SLC22A2: variants seen among roughly 807,000 people sequenced by gnomAD.
SLC22A2 encodes organic cation transporter 2.
A neutral mutation model predicts 60.5 loss-of-function variants in SLC22A2; 46 were observed. The observed-to-expected ratio is 0.76, with a 90% CI of 0.60 to 0.97. SLC22A2 has a LOEUF of 0.97. Among genes scored for constraint, SLC22A2 ranks in the 50% least tolerant of loss-of-function variants. The pLI is 0.00. For missense variants in SLC22A2, 701 were observed against 706.6 expected (o/e 0.99, Z 0.09); for synonymous variants, 303 against 267.0 (o/e 1.13, Z -1.31).
At position 160,258,621 on chromosome 6, in the gene SLC22A2, G is replaced by A. The variant is rs755389619; in HGVS notation, c.137C>T (p.Thr46Ile). The change falls in exon 1 of 11, where the codon ACC becomes ATC. Residue 46 changes from threonine (T) to isoleucine (I), a missense_variant. Thr to Ile is a moderately conservative substitution (Grantham distance 89, BLOSUM62 -1). Coordinates refer to ENST00000366953, the MANE Select transcript of SLC22A2 (RefSeq NM_003058.4). ...IYVGIVFLGF[T>I]PDHRCRSPGV... is the part of the protein sequence containing the mutation. ...GGGGCTCCGGCAGCGGTGGTCAGGG[G>A]TGAAGCCCAGGAAGACGATGCCCAC... is the stretch of plus-strand genomic sequence containing the variant. 1 of 1,613,982 alleles carries A rather than the reference G, an allele frequency of 6.2e-7. No individual in the cohort carries two copies. Among genetic ancestry groups the A allele is most frequent in the Non-Finnish European group, 8.5e-7 (1 of 1,179,948 alleles).
chr6:160,223,004 C>A (rs572483040), intron 10 of SLC22A2, among the ~76,000 whole-genome samples: 2 of 152,196 alleles, frequency 1.3e-5, no homozygotes, highest in African/African-American at 2.4e-5. Context: ...TCTTCCAACT[C>A]TAAGACTCAA....
At chr6:160,237,435 CTTATTA>C (rs145536965) in intron 9 of SLC22A2, among the ~76,000 whole-genome samples, 349 of 152,254 alleles carry the variant, frequency 2.3e-3, no homozygotes, top group African/African-American at 8.2e-3. Flanking sequence ...AAATTAAACT[CTTATTA>C]ATCTTTCAGA....
chr6:160,243,391 A>T (rs112933509), intron 7 of SLC22A2, among the ~76,000 whole-genome samples, 181 bp downstream of exon 7: 2 of 151,890 alleles, frequency 1.3e-5, no homozygotes, highest in African/African-American at 4.8e-5. Flanking sequence ...ATTGGGTACA[A>T]TTTTTCCTAA....
At position 160,217,044 on chromosome 6, in the gene SLC22A2, C is replaced by T. The variant is rs3103353; in HGVS notation, c.*388G>A. 0.12 allele frequency: 19,409 copies of T among 160,430 alleles called. 1,358 individuals carry two copies. Among genetic ancestry groups the T allele is most frequent in the African/African-American group, 0.17 (6,882 of 41,108 alleles). 9.9% of individuals were successfully genotyped at this position (160,430 alleles called of 1,614,324 possible). On this transcript the variant is annotated 3_prime_UTR_variant, in exon 11 of 11. Coordinates refer to ENST00000366953, the MANE Select transcript of SLC22A2 (RefSeq NM_003058.4). ...TTATTTCTTTAAGAAAATAGATGCT[C>T]CTCTCCCAACTTTACTGTTTTTCAC...
rs145584266 is a variant in SLC22A2, at chr6:160,245,222, G to A, written c.1064+217C>T. ...TCCCAGGTGATTCCAATGTGAAGCCGAGGTTGCCATTGCCTTGATCTGTGC... is the reference window on the plus strand; with the variant it reads ...TCCCAGGTGATTCCAATGTGAAGCCAAGGTTGCCATTGCCTTGATCTGTGC... On this transcript the variant is annotated intron_variant, in intron 6 of 10. Coordinates refer to ENST00000366953, the MANE Select transcript of SLC22A2 (RefSeq NM_003058.4). 1.7e-3 allele frequency: 528 copies of A among 319,780 alleles called. 2 individuals carry two copies. The highest frequency in any genetic ancestry group is 9.2e-3 in the African/African-American group (429 of 46,826). The allele number at this position is 319,780 out of a possible 1,614,324, so 19.8% of individuals were successfully genotyped here.
At chr6:160,256,195 C>T (rs1783269018) in intron 2 of SLC22A2, among the ~76,000 whole-genome samples, 1 of 151,902 alleles carries the variant, frequency 6.6e-6, no homozygotes, top group Non-Finnish European at 1.5e-5. Flanking sequence ...GGGCCTGGTG[C>T]TGGGGGCTCC....
intron 2 of SLC22A2, among the ~76,000 whole-genome samples, chr6:160,254,956 C>T (rs757244501): frequency 5.3e-5 from 8 of 152,212 alleles, no homozygotes; most frequent in Non-Finnish European, 1.0e-4. Flanking sequence ...CACCTGTTTA[C>T]TCACAGCCTG....
intron 9 of SLC22A2, among the ~76,000 whole-genome samples, chr6:160,232,408 C>T (rs2114856319): frequency 6.6e-6 from 1 of 152,010 alleles, no homozygotes; most frequent in Middle Eastern, 3.4e-3. Context: ...CCCACTATCT[C>T]TCAGCAAGCT....
At chr6:160,246,024 T>A (rs791578) in intron 5 of SLC22A2, among the ~76,000 whole-genome samples, 3 of 151,696 alleles carry the variant, frequency 2.0e-5, no homozygotes, top group South Asian at 4.2e-4. Context: ...TCCGCCACCA[T>A]GCCCAGCTAA....
rs374562037 is a variant in SLC22A2 at position 160,255,001 on chromosome 6, C to T, written c.518+1613G>A. Among the ~76,000 whole-genome samples, 54 of 152,240 alleles carry T rather than the reference C, an allele frequency of 3.5e-4. No homozygotes were observed. In the East Asian group the frequency reaches 4.6e-3, roughly 13 times the overall value. On this transcript the variant is annotated intron_variant, in intron 2 of 10. Coordinates refer to ENST00000366953, the MANE Select transcript of SLC22A2 (RefSeq NM_003058.4). ...GAGTGTTAGCACCTCTACCTGGTGG[C>T]GGAGGAGGGAGTGCAGAGAGAGTGA...
intron 2 of SLC22A2, among the ~76,000 whole-genome samples, chr6:160,251,011 T>C (rs1783177313): frequency 6.6e-6 from 1 of 152,198 alleles, no homozygotes; most frequent in Non-Finnish European, 1.5e-5. Flanking sequence ...GGCCATCCTG[T>C]GCTGAATACC....
intron 2 of SLC22A2, among the ~76,000 whole-genome samples, chr6:160,251,662 G>A (rs527872100): frequency 2.1e-4 from 32 of 152,256 alleles, no homozygotes; most frequent in South Asian, 1.9e-3. Context: ...ATTCTTCACA[G>A]AAAACAATGT....
In SLC22A2 at chr6:160,258,398, G is replaced by A. The variant is rs1288876881; in HGVS notation, c.360C>T (p.Gly120=). The A allele has an allele frequency of 1.9e-6, 3 of 1,613,806 alleles. No homozygotes were observed. Among genetic ancestry groups the A allele is most frequent in the African/African-American group, 1.3e-5 (1 of 74,932 alleles). The change falls in exon 1 of 11, where the codon GGC becomes GGT. Residue 120 remains glycine, a synonymous_variant. Coordinates refer to ENST00000366953, the MANE Select transcript of SLC22A2 (RefSeq NM_003058.4). ...LDTNRSRLPL[G]PCRDGWVYET... ...CGTACACCCAGCCGTCCCGGCAGGG[G>A]CCCAGTGGCAGGCGGCTCCTGTTGG...
At chr6:160,230,880 G>A (rs184945647) in intron 9 of SLC22A2, among the ~76,000 whole-genome samples, 27 of 151,940 alleles carry the variant, frequency 1.8e-4, no homozygotes, top group Non-Finnish European at 3.2e-4. Flanking sequence ...AACTTGCCCC[G>A]CAGCCAGTCC....
At chr6:160,231,324 C>T (rs567289380) in intron 9 of SLC22A2, among the ~76,000 whole-genome samples, 5 of 151,836 alleles carry the variant, frequency 3.3e-5, no homozygotes, top group Admixed American at 1.3e-4. Flanking sequence ...ATCTCATTGC[C>T]GTCCTTCTTC....
intron 9 of SLC22A2, among the ~76,000 whole-genome samples, chr6:160,241,122 G>A (rs548832968): frequency 6.6e-6 from 1 of 152,204 alleles, no homozygotes; most frequent in African/African-American, 2.4e-5. Context: ...AGGAAGGGTG[G>A]AAATCAGCAG....
rs114649969 is a variant in SLC22A2, at chr6:160,217,513, A to G, written c.1602-15T>C. 1.7e-3 allele frequency: 2,433 copies of G among 1,447,484 alleles called. 31 individuals are homozygous for G. The African/African-American group carries it at 0.025, about 15-fold the overall frequency. 89.7% of individuals were successfully genotyped at this position (1,447,484 alleles called of 1,614,324 possible). A position where few individuals can be genotyped will look rare whatever the true frequency, so the allele number is the denominator to read the frequency against. On this transcript the variant is annotated splice_polypyrimidine_tract_variant and intron_variant, in intron 10 of 10. Transcript: ENST00000366953. ...TTTTTCTTGGTCTGCAATAAGAAAT[A>G]AAAATGGAGAGGGGAGAAAGAAATT...
intron 8 of SLC22A2, 145 bp downstream of exon 8, chr6:160,242,149 T>G: frequency 3.1e-6 from 2 of 650,758 alleles, no homozygotes; most frequent in Non-Finnish European, 5.7e-6. Flanking sequence ...GGTGAACTGC[T>G]GGGCCTGGCT....
rs376310295 is a variant in SLC22A2 at position 160,237,439 on chromosome 6, T to A, written c.1501+4035A>T. 1.6e-3 allele frequency among the ~76,000 whole-genome samples: 250 copies of A among 151,624 alleles called. 6 individuals are homozygous for A. In the South Asian group the frequency reaches 0.051, roughly 31 times the overall value. Reference sequence around the variant, plus strand: ...AATGTTTTCTTAAATTAAACTCTTATTAATCTTTCAGATATCACTTTTTGT... The same window carrying A: ...AATGTTTTCTTAAATTAAACTCTTAATAATCTTTCAGATATCACTTTTTGT... On this transcript the variant is annotated intron_variant, in intron 9 of 10. Coordinates refer to ENST00000366953, the MANE Select transcript of SLC22A2 (RefSeq NM_003058.4).
Sources: allele counts gnomAD v4.1 joint callset (sites outside exome capture counted in the v4.1 genomes callset), GRCh38; gene constraint gnomAD v4.1.1; transcripts MANE v1.5; gene names NCBI Gene and HGNC (gene_info 2026-07-23, HGNC 2026-07-21).